The following CSMD1 variants were observed in gnomAD, a reference collection of about 807,000 sequenced individuals.
The protein encoded by CSMD1 is CUB and sushi domain-containing protein 1.
A neutral mutation model predicts 417.5 loss-of-function variants in CSMD1; 213 were observed. That is an observed-to-expected ratio of 0.51 (90% CI 0.46 to 0.57). The LOEUF (loss-of-function observed/expected upper bound fraction) is 0.57, where lower values mean the gene tolerates loss of function less well. CSMD1 is among the 20% of genes least tolerant of loss of function. The pLI, the probability that CSMD1 is intolerant of heterozygous loss-of-function variation, is 0.00. For missense variants in CSMD1, 6,923 were observed against 4,529.7 expected (o/e 1.53, Z -15.17); for synonymous variants, 2,862 against 1,736.8 (o/e 1.65, Z -16.11).
intron 1 of CSMD1, among the ~76,000 whole-genome samples, chr8:4,937,265 T>C (rs1457727554): frequency 6.6e-6 from 1 of 152,110 alleles, no homozygotes; most frequent in African/African-American, 2.4e-5. Flanking sequence ...ACAAATCTGG[T>C]GGTATAGTCC....
chr8:3,701,512 T>A (rs5001669), intron 7 of CSMD1, among the ~76,000 whole-genome samples: 5 of 796 alleles, frequency 6.3e-3, no homozygotes, highest in East Asian at 0.12. Flanking sequence ...TTAAACCTTA[T>A]TTTTTTTTTT....
intron 3 of CSMD1, among the ~76,000 whole-genome samples, chr8:4,146,688 T>G (rs1251390318): frequency 7.7e-6 from 1 of 129,034 alleles, no homozygotes; most frequent in Non-Finnish European, 1.6e-5. Flanking sequence ...CTGGACTCAC[T>G]GCAAGCTCCA....
intron 2 of CSMD1, among the ~76,000 whole-genome samples, chr8:4,462,730 A>G (rs1317657415): frequency 1.3e-5 from 2 of 152,212 alleles, no homozygotes; most frequent in Non-Finnish European, 2.9e-5. Flanking sequence ...CAAAACAATC[A>G]AGAAAAAAAT....
chr8:4,733,253 T>G (rs965338762), intron 1 of CSMD1, among the ~76,000 whole-genome samples: 1 of 152,188 alleles, frequency 6.6e-6, no homozygotes, highest in African/African-American at 2.4e-5. Context: ...CCCTAGTATT[T>G]GAGAAACATC....
intron 1 of CSMD1, among the ~76,000 whole-genome samples, chr8:4,949,075 G>C (rs1808560075): frequency 6.6e-6 from 1 of 152,078 alleles, no homozygotes; most frequent in Non-Finnish European, 1.5e-5. Context: ...CTTCTGTTGG[G>C]ATAACTTTTT....
intron 3 of CSMD1, among the ~76,000 whole-genome samples, chr8:4,064,922 C>A (rs141047059): frequency 1.5e-5 from 2 of 131,358 alleles, no homozygotes; most frequent in Non-Finnish European, 3.2e-5. Context: ...AGAATAGGAC[C>A]TAGGCTTAAA....
intron 2 of CSMD1, among the ~76,000 whole-genome samples, chr8:4,435,366 A>G (rs1585070053): frequency 6.6e-6 from 1 of 152,188 alleles, no homozygotes; most frequent in African/African-American, 2.4e-5. Flanking sequence ...AATTATTAGG[A>G]GAAAACTCAG....
chr8:4,075,529 A>G (rs1025252669), intron 3 of CSMD1, among the ~76,000 whole-genome samples: 1 of 152,212 alleles, frequency 6.6e-6, no homozygotes, highest in Admixed American at 6.5e-5. Context: ...TAAAAATGTC[A>G]GATATCCCCT....
chr8:4,514,195 C>T (rs1293134256), intron 2 of CSMD1, among the ~76,000 whole-genome samples: 7 of 152,100 alleles, frequency 4.6e-5, no homozygotes, highest in Non-Finnish European at 1.0e-4. Flanking sequence ...CTTACCGTGT[C>T]CTCATAAGGC....
chr8:4,359,972 G>A (rs1409545150), intron 3 of CSMD1, among the ~76,000 whole-genome samples: 1 of 152,224 alleles, frequency 6.6e-6, no homozygotes, highest in Non-Finnish European at 1.5e-5. Flanking sequence ...TGGTTAGGAT[G>A]CTCAATTAGC....
At chr8:4,361,146 A>G (rs1801735674) in intron 3 of CSMD1, among the ~76,000 whole-genome samples, 1 of 152,200 alleles carries the variant, frequency 6.6e-6, no homozygotes, top group African/African-American at 2.4e-5. Flanking sequence ...CTGAAGCTTT[A>G]TCATTTGTAG....
chr8:3,653,405 T>G (rs893813615), intron 7 of CSMD1, among the ~76,000 whole-genome samples: 1 of 152,118 alleles, frequency 6.6e-6, no homozygotes, highest in Non-Finnish European at 1.5e-5. Flanking sequence ...GCCTCCTGGA[T>G]TCAAACGATT....
intron 4 of CSMD1, among the ~76,000 whole-genome samples, chr8:4,028,516 A>G (rs1017499611): frequency 6.6e-6 from 1 of 152,202 alleles, no homozygotes; most frequent in Admixed American, 6.5e-5. Context: ...AGGAAAAAAA[A>G]ATAGGCAAAT....
intron 42 of CSMD1, among the ~76,000 whole-genome samples, chr8:3,116,272 T>C (rs1816863383): frequency 6.6e-6 from 1 of 152,198 alleles, no homozygotes; most frequent in African/African-American, 2.4e-5. Flanking sequence ...ATCGTGCGTT[T>C]CGGTTTCTTT....
At chr8:4,356,765 C>T (rs373971284) in intron 3 of CSMD1, among the ~76,000 whole-genome samples, 2 of 152,208 alleles carry the variant, frequency 1.3e-5, no homozygotes, top group East Asian at 1.9e-4. Flanking sequence ...TGACTGGAAC[C>T]GAGTTCTTCT....
chr8:3,764,048 G>A (rs1471936434), intron 5 of CSMD1, among the ~76,000 whole-genome samples: 1 of 152,102 alleles, frequency 6.6e-6, no homozygotes, highest in Non-Finnish European at 1.5e-5. Flanking sequence ...CTTGTTTCAG[G>A]ATTTCTGGAG....
chr8:4,237,257 A>G (rs923523556), intron 3 of CSMD1, among the ~76,000 whole-genome samples: 1 of 152,170 alleles, frequency 6.6e-6, no homozygotes, highest in Non-Finnish European at 1.5e-5. Context: ...TTGGTCCTGA[A>G]GAGATTCAGA....
At chr8:4,836,872 T>A (rs1563544266) in intron 1 of CSMD1, among the ~76,000 whole-genome samples, 1 of 152,086 alleles carries the variant, frequency 6.6e-6, no homozygotes, top group Non-Finnish European at 1.5e-5. Flanking sequence ...GCCCAAAGCT[T>A]AGAGCCACCT....
At chr8:3,809,530 G>T (rs1238670529) in intron 5 of CSMD1, among the ~76,000 whole-genome samples, 1 of 152,122 alleles carries the variant, frequency 6.6e-6, no homozygotes, top group African/African-American at 2.4e-5. Flanking sequence ...AAATTAGTGG[G>T]TTCTCAAACA....
Sources: allele counts gnomAD v4.1 joint callset (sites outside exome capture counted in the v4.1 genomes callset), GRCh38; gene constraint gnomAD v4.1.1; transcripts MANE v1.5; gene names NCBI Gene and HGNC (gene_info 2026-07-23, HGNC 2026-07-21).